Variants in NUBPL observed in about 807,000 individuals in gnomAD.
The protein encoded by NUBPL is NUBP iron-sulfur cluster assembly factor, mitochondrial.
A neutral mutation model predicts 45.7 loss-of-function variants in NUBPL; 31 were observed. The observed-to-expected ratio is 0.68, with a 90% CI of 0.51 to 0.92. The LOEUF is 0.92. Ranked by LOEUF, NUBPL falls within the 40% of genes least tolerant of loss-of-function variation. The probability of loss-of-function intolerance (pLI) is 0.00; values close to 1 mark genes in which losing one functional copy is unlikely to be tolerated. For missense variants in NUBPL, 401 were observed against 398.7 expected, an observed-to-expected ratio of 1.01 and a Z score of -0.05; for synonymous variants, 144 against 140.9, an observed-to-expected ratio of 1.02 and a Z score of -0.15.
At chr14:31,834,456 G>A (rs1303993393) in intron 8 of NUBPL, among the ~76,000 whole-genome samples, 1 of 152,134 alleles carries the variant, frequency 6.6e-6, no homozygotes, top group Non-Finnish European at 1.5e-5. Flanking sequence ...TGGGATTACA[G>A]GCGTGAGCCA....
intron 3 of NUBPL, among the ~76,000 whole-genome samples, chr14:31,582,347 C>T (rs1013127643): frequency 5.3e-5 from 8 of 150,464 alleles, no homozygotes; most frequent in Non-Finnish European, 1.0e-4. Context: ...AAGGGTGGCA[C>T]CTATCCAGGG....
At chr14:31,742,316 ACTT>A (rs1437824823) in intron 6 of NUBPL, among the ~76,000 whole-genome samples, 1 of 151,338 alleles carries the variant, frequency 6.6e-6, no homozygotes, top group Admixed American at 6.6e-5. Flanking sequence ...TAGGACATCC[ACTT>A]CTTATCTTTG....
chr14:31,806,772 T>TC (rs141818456), intron 7 of NUBPL, among the ~76,000 whole-genome samples: 5,192 of 152,058 alleles, frequency 0.034, 279 homozygotes, highest in African/African-American at 0.12. Flanking sequence ...CCCTCTCCCA[T>TC]CCCCCCACAC....
chr14:31,653,613 A>G (rs1343253901), intron 4 of NUBPL, among the ~76,000 whole-genome samples: 1 of 152,174 alleles, frequency 6.6e-6, no homozygotes, highest in Non-Finnish European at 1.5e-5. Context: ...TTCTTTTTCA[A>G]GATGCACTGA....
rs552716959 is a variant in NUBPL at position 31,621,064 on chromosome 14, G to A, written c.382+21685G>A. On this transcript the variant is annotated intron_variant, in intron 4 of 10. Transcript: ENST00000281081. ...GGCTCCACCCACTTCAAACTTCCTG[G>A]CGGCTTTGTTTACACTGTGAGGGTA... 2.0e-4 allele frequency among the ~76,000 whole-genome samples: 30 copies of A among 152,308 alleles called. No individual in the cohort carries two copies. In the East Asian group the frequency reaches 5.2e-3, roughly 26 times the overall value.
At chr14:31,668,648 C>G (rs137917898) in intron 4 of NUBPL, among the ~76,000 whole-genome samples, 1,611 of 152,260 alleles carry the variant, frequency 0.011, 24 homozygotes, top group African/African-American at 0.037. Flanking sequence ...CAAGCAGCTG[C>G]CCAGTTTTGT....
At chr14:31,770,753 G>C (rs1318571723) in intron 6 of NUBPL, among the ~76,000 whole-genome samples, 1 of 152,154 alleles carries the variant, frequency 6.6e-6, no homozygotes, top group Non-Finnish European at 1.5e-5. Context: ...CTTGGCCCAT[G>C]CCCTGGAAAG....
intron 4 of NUBPL, among the ~76,000 whole-genome samples, chr14:31,637,425 C>T (rs545554119): frequency 6.6e-6 from 1 of 152,108 alleles, no homozygotes; most frequent in Non-Finnish European, 1.5e-5. Flanking sequence ...ATCCTGAGTT[C>T]TAGTTTGATT....
chr14:31,646,613 C>T (rs2035860462), intron 4 of NUBPL, among the ~76,000 whole-genome samples: 1 of 152,056 alleles, frequency 6.6e-6, no homozygotes, highest in Non-Finnish European at 1.5e-5. Flanking sequence ...TTATTTATCT[C>T]TTTTCTCTTG....
At chr14:31,611,195 A>G (rs552542036) in intron 4 of NUBPL, among the ~76,000 whole-genome samples, 4 of 152,218 alleles carry the variant, frequency 2.6e-5, no homozygotes, top group Non-Finnish European at 5.9e-5. Flanking sequence ...AGACTCCACA[A>G]AAAAACTATT....
chr14:31,605,325 T>A (rs537285194), intron 4 of NUBPL, among the ~76,000 whole-genome samples: 171 of 152,328 alleles, frequency 1.1e-3, no homozygotes, highest in African/African-American at 3.2e-3. Context: ...AAAATCACTT[T>A]CAGAATACTG....
At position 31,772,195 on chromosome 14, in the gene NUBPL, A is replaced by G. The variant is rs769085590; in HGVS notation, c.514-15585A>G. On this transcript the variant is annotated intron_variant, in intron 6 of 10. Coordinates refer to ENST00000281081, the MANE Select transcript of NUBPL (RefSeq NM_025152.3). ...AGTGCTACACATCTAAATATATTTT[A>G]TAAGCTATTCCAAATTAGGTTAATA... Among the ~76,000 whole-genome samples the G allele has an allele frequency of 4.8e-4, 73 of 152,352 alleles. 1 individual carries two copies. The highest frequency in any genetic ancestry group is 7.1e-4 in the Non-Finnish European group (48 of 68,020).
intron 4 of NUBPL, among the ~76,000 whole-genome samples, chr14:31,634,357 T>C (rs1229774300): frequency 6.6e-6 from 1 of 151,050 alleles, no homozygotes; most frequent in African/African-American, 2.4e-5. Flanking sequence ...TTTGTCCTTG[T>C]GATAGTTTAC....
At chr14:31,709,276 G>A (rs138180792) in intron 6 of NUBPL, among the ~76,000 whole-genome samples, 100 of 152,306 alleles carry the variant, frequency 6.6e-4, no homozygotes, top group African/African-American at 2.1e-3. Context: ...ATAGCCGCTC[G>A]AGGGAGGCAG....
chr14:31,755,888 A>G (rs1204472482), intron 6 of NUBPL, among the ~76,000 whole-genome samples: 1 of 150,922 alleles, frequency 6.6e-6, no homozygotes, highest in African/African-American at 2.4e-5. Context: ...AGGTGTAAGG[A>G]AGGGATCCAG....
chr14:31,677,188 G>A (rs931575435), intron 6 of NUBPL, among the ~76,000 whole-genome samples: 2 of 151,998 alleles, frequency 1.3e-5, no homozygotes, highest in African/African-American at 2.4e-5. Flanking sequence ...TCAAACAATC[G>A]AATTATACTC....
At chr14:31,713,529 A>G (rs1193195620) in intron 6 of NUBPL, among the ~76,000 whole-genome samples, 1 of 152,232 alleles carries the variant, frequency 6.6e-6, no homozygotes, top group East Asian at 1.9e-4. Flanking sequence ...CCAGTTTAGA[A>G]TGGATTCAGC....
chr14:31,846,838 C>T (rs1282163354), intron 9 of NUBPL, among the ~76,000 whole-genome samples: 2 of 152,020 alleles, frequency 1.3e-5, no homozygotes, highest in Non-Finnish European at 2.9e-5. Context: ...CGCCTGCAGT[C>T]CCAGCTACTC....
intron 4 of NUBPL, among the ~76,000 whole-genome samples, chr14:31,630,787 C>T (rs2035321168): frequency 6.6e-6 from 1 of 152,132 alleles, no homozygotes; most frequent in African/African-American, 2.4e-5. Flanking sequence ...GATCTTTCCC[C>T]TTTGACTGAT....
Sources: gnomAD v4.1 joint callset for allele counts (sites outside exome capture counted in the v4.1 genomes callset) on GRCh38, gnomAD v4.1.1 for gene constraint, MANE v1.5 for transcripts, NCBI Gene and HGNC (gene_info 2026-07-23, HGNC 2026-07-21) for gene names.